EPB41L2: variants seen among roughly 807,000 people sequenced by gnomAD.
EPB41L2 encodes erythrocyte membrane protein band 4.1 like 2, also known as band 4.1-like protein 2.
EPB41L2 carries 43 observed loss-of-function variants against 113.0 expected under a neutral mutation model. The ratio of observed to expected loss-of-function variants is 0.38; its 90% CI spans 0.30 to 0.49. The LOEUF (loss-of-function observed/expected upper bound fraction) is 0.49. Ranked by LOEUF, EPB41L2 falls within the 20% of genes least tolerant of loss-of-function variation. EPB41L2 has a pLI of 0.95. For missense variants in EPB41L2, 1,147 were observed against 1,223.4 expected, an observed-to-expected ratio of 0.94 and a Z score of 0.93; for synonymous variants, 442 against 436.7, an observed-to-expected ratio of 1.01 and a Z score of -0.15.
At chr6:130,947,792 T>C (rs1186938293) in intron 3 of EPB41L2, among the ~76,000 whole-genome samples, 2 of 152,130 alleles carry the variant, frequency 1.3e-5, no homozygotes, top group Non-Finnish European at 1.5e-5. Flanking sequence ...CTAATGATAC[T>C]AAGCAAGCAA....
At chr6:131,034,062 G>A (rs1792796363) in intron 1 of EPB41L2, among the ~76,000 whole-genome samples, 1 of 152,128 alleles carries the variant, frequency 6.6e-6, no homozygotes, top group African/African-American at 2.4e-5. Context: ...CATAGAAAGA[G>A]CTTATGACTG....
chr6:130,894,378 A>G lies in EPB41L2; in HGVS notation c.1453T>C (p.Trp485Arg). ...GTATGATGCTCCACGCACACTTTCC[A>G]TAGTCTTTTCGCTGCCCGGTGGTTT... ...LPNHRAAKRLWKVCVEHHTFY... is the reference protein window; with the variant it reads ...LPNHRAAKRLRKVCVEHHTFY... The change falls in exon 10 of 20, where the codon TGG becomes CGG. Residue 485 changes from tryptophan (W) to arginine (R), a missense_variant. Coordinates refer to ENST00000337057, the MANE Select transcript of EPB41L2 (RefSeq NM_001431.4). The G allele has an allele frequency of 6.2e-7, 1 of 1,613,910 alleles. No individual in the cohort carries two copies. Among genetic ancestry groups the G allele is most frequent in the Non-Finnish European group, 8.5e-7 (1 of 1,179,862 alleles).
intron 4 of EPB41L2, among the ~76,000 whole-genome samples, chr6:130,915,780 C>T (rs1800846400): frequency 6.6e-6 from 1 of 152,008 alleles, no homozygotes; most frequent in African/African-American, 2.4e-5. Flanking sequence ...CTCACGAGAT[C>T]TAATAGTTTT....
chr6:131,015,901 A>C (rs1584532564), intron 1 of EPB41L2: 1 of 151,896 alleles, frequency 6.6e-6, no homozygotes, highest in Admixed American at 6.7e-5. Flanking sequence ...TGTTTTTAAG[A>C]ATGTCTCTGT....
chr6:131,050,200 G>T lies in EPB41L2; in HGVS notation c.-15+12955C>A, dbSNP rs376577959. ...CTAAAAACACAAAAATTAGCTGGGC[G>T]TGGTGGCGGGCACCTGTAATCTCAG... On this transcript the variant is annotated intron_variant, in intron 1 of 19. Coordinates refer to ENST00000337057, the MANE Select transcript of EPB41L2 (RefSeq NM_001431.4). 2.0e-5 allele frequency among the ~76,000 whole-genome samples: 3 copies of T among 152,172 alleles called. No homozygotes were observed. The East Asian group carries it at 5.8e-4, about 29-fold the overall frequency.
chr6:130,862,956 A>G (rs1275685243), intron 18 of EPB41L2, among the ~76,000 whole-genome samples: 1 of 152,212 alleles, frequency 6.6e-6, no homozygotes, highest in African/African-American at 2.4e-5. Context: ...TTTAAAGCTG[A>G]GTTAAAATCA....
At chr6:130,880,110 T>A (rs770281651) in intron 13 of EPB41L2, 34 bp downstream of exon 13, 1 of 1,530,620 alleles carries the variant, frequency 6.5e-7, no homozygotes, top group Admixed American at 1.7e-5. Flanking sequence ...CGGGCAGCCA[T>A]TAGGACAGAG....
intron 1 of EPB41L2, among the ~76,000 whole-genome samples, chr6:131,037,537 A>G (rs1349903852): frequency 6.7e-6 from 1 of 149,738 alleles, no homozygotes; most frequent in Non-Finnish European, 1.5e-5. Context: ...AATTATGGTA[A>G]TTTTTTTTTC....
intron 19 of EPB41L2, among the ~76,000 whole-genome samples, chr6:130,854,920 C>T (rs1346080962): frequency 1.3e-5 from 2 of 151,886 alleles, no homozygotes; most frequent in African/African-American, 2.4e-5. Context: ...CGCCTGTAGT[C>T]CCAGCTACTC....
At chr6:131,056,983 C>T (rs2128205946) in intron 1 of EPB41L2, among the ~76,000 whole-genome samples, 1 of 151,262 alleles carries the variant, frequency 6.6e-6, no homozygotes, top group Middle Eastern at 3.4e-3. Flanking sequence ...TGGGGGTCAA[C>T]TAAATGAATT....
intron 4 of EPB41L2, among the ~76,000 whole-genome samples, chr6:130,922,025 T>C (rs1180296082): frequency 6.6e-6 from 1 of 152,238 alleles, no homozygotes; most frequent in Non-Finnish European, 1.5e-5. Context: ...GAAGGAATCA[T>C]GGCATACCCA....
chr6:130,912,234 C>G (rs971793926), intron 4 of EPB41L2, among the ~76,000 whole-genome samples: 4 of 152,260 alleles, frequency 2.6e-5, no homozygotes, highest in African/African-American at 9.6e-5. Flanking sequence ...GGTTGGGGAC[C>G]ACTGTATTAC....
chr6:130,949,341 C>A (rs1814009666), intron 3 of EPB41L2, among the ~76,000 whole-genome samples: 1 of 152,096 alleles, frequency 6.6e-6, no homozygotes, highest in South Asian at 2.1e-4. Context: ...GTGGCTCATG[C>A]CTGTAATCCC....
intron 17 of EPB41L2, among the ~76,000 whole-genome samples, 167 bp from the exon 18 acceptor site, chr6:130,863,885 T>C (rs1253962087): frequency 1.3e-5 from 2 of 152,204 alleles, no homozygotes; most frequent in African/African-American, 4.8e-5. Flanking sequence ...GCTTTATTTT[T>C]AGGCTCAATA....
intron 1 of EPB41L2, among the ~76,000 whole-genome samples, chr6:130,971,926 G>C (rs188343600): frequency 6.9e-4 from 105 of 152,210 alleles, no homozygotes; most frequent in African/African-American, 2.4e-3. Context: ...CATTCAACCT[G>C]TACATAAAAA....
chr6:130,858,056 A>ACATCC (rs1780847926), intron 19 of EPB41L2, 75 bp downstream of exon 19: 1 of 1,182,194 alleles, frequency 8.5e-7, no homozygotes, highest in African/African-American at 1.5e-5. Context: ...ATGAACTTTC[A>ACATCC]TTTCACATCC....
At chr6:130,863,763 G>A (rs1782870531) in intron 17 of EPB41L2, 45 bp from the exon 18 acceptor site, 2 of 1,402,510 alleles carry the variant, frequency 1.4e-6, no homozygotes, top group Non-Finnish European at 2.0e-6. Context: ...AATCACTGAA[G>A]CACGTTTACA....
At chr6:130,874,261 A>T in intron 14 of EPB41L2, among the ~76,000 whole-genome samples, 1 of 147,586 alleles carries the variant, frequency 6.8e-6, no homozygotes, top group South Asian at 2.1e-4. Context: ...AATGCAATGT[A>T]TTTTTTTTTT....
chr6:130,864,208 A>T (rs897303463), intron 17 of EPB41L2, among the ~76,000 whole-genome samples: 1 of 152,010 alleles, frequency 6.6e-6, no homozygotes, highest in African/African-American at 2.4e-5. Context: ...TGTGATATAT[A>T]TTTTTTTCCC....
Sources: allele counts gnomAD v4.1 joint callset (sites outside exome capture counted in the v4.1 genomes callset), GRCh38; gene constraint gnomAD v4.1.1; transcripts MANE v1.5; gene names NCBI Gene and HGNC (gene_info 2026-07-23, HGNC 2026-07-21).